Variants in LYRM1 observed in about 807,000 individuals in gnomAD.
LYRM1 encodes the protein LYR motif containing 1, also known as LYR motif-containing protein 1.
In LYRM1, 14 loss-of-function variants were observed where a neutral mutation model predicts 14.9. That is an observed-to-expected ratio of 0.94 (90% CI 0.62 to 1.47). The LOEUF (loss-of-function observed/expected upper bound fraction) is 1.47, where lower values mean the gene tolerates loss of function less well. LYRM1 is among the 40% of genes most tolerant of loss of function. LYRM1 has a pLI of 0.00. For synonymous variants in LYRM1, 43 were observed against 56.2 expected, an observed-to-expected ratio of 0.77 and a Z score of 1.05; for missense variants, 153 against 149.9, an observed-to-expected ratio of 1.02 and a Z score of -0.11.
chr16:20,922,487 GT>G (rs1002240510), intron 3 of LYRM1, among the ~76,000 whole-genome samples: 2 of 151,918 alleles, frequency 1.3e-5, no homozygotes, highest in Non-Finnish European at 2.9e-5. Flanking sequence ...CCTGAAAGGA[GT>G]TTTTTTGGTT....
chr16:20,900,759 G>A (rs1012806345), upstream of LYRM1: 1 of 152,328 alleles, frequency 6.6e-6, no homozygotes, highest in Non-Finnish European at 1.5e-5. Flanking sequence ...CGGTGGTTTG[G>A]TCCGGCCTGG....
intron 2 of LYRM1, 23 bp downstream of exon 2, chr16:20,915,737 T>C (rs780364724): frequency 5.0e-6 from 8 of 1,611,582 alleles, no homozygotes; most frequent in East Asian, 4.5e-5. Flanking sequence ...CACTTGGAGA[T>C]TGTGCAGAGG....
intron 2 of LYRM1, among the ~76,000 whole-genome samples, chr16:20,916,370 A>C (rs970575517): frequency 1.3e-5 from 2 of 152,164 alleles, no homozygotes. Flanking sequence ...GGCACTAAGC[A>C]TGGAAAAAGG....
At chr16:20,900,565 G>A (rs1039566561), upstream of LYRM1, 4 of 152,374 alleles carry the variant, frequency 2.6e-5, no homozygotes, top group East Asian at 5.8e-4. Context: ...AACCCGGAGG[G>A]AGCTGGGCTG....
intron 1 of LYRM1, among the ~76,000 whole-genome samples, chr16:20,905,037 T>C (rs1349753167): frequency 6.6e-6 from 1 of 152,176 alleles, no homozygotes; most frequent in Non-Finnish European, 1.5e-5. Context: ...TCCTTTGCTG[T>C]ACAGGGATTA....
chr16:20,923,636 CCTT>C (rs1468852687), intron 3 of LYRM1, among the ~76,000 whole-genome samples: 1 of 152,144 alleles, frequency 6.6e-6, no homozygotes, highest in Non-Finnish European at 1.5e-5. Context: ...ACTTTTCTCC[CCTT>C]CTTTGGATTC....
At chr16:20,915,286 C>T (rs1409792286) in intron 1 of LYRM1, among the ~76,000 whole-genome samples, 2 of 152,066 alleles carry the variant, frequency 1.3e-5, no homozygotes, top group Non-Finnish European at 2.9e-5. Context: ...CGGTGAAACC[C>T]TGTCTCTACT....
upstream of LYRM1, chr16:20,900,309 C>T (rs535460771): frequency 9.9e-5 from 15 of 152,138 alleles, no homozygotes; most frequent in African/African-American, 2.7e-4. Flanking sequence ...CTCCCTACCC[C>T]CGCCGCCGCC....
rs1271306972 is a variant in LYRM1, at chr16:20,924,621, A to C, written c.*505A>C. 6.6e-6 allele frequency: 1 copy of C among 152,384 alleles called. No individual in the cohort carries two copies. The highest frequency in any genetic ancestry group is 2.4e-5 in the African/African-American group (1 of 41,378). 9.4% of individuals were successfully genotyped at this position (152,384 alleles called of 1,614,324 possible). A position where few individuals can be genotyped will look rare whatever the true frequency, so the allele number is the denominator to read the frequency against. The stretch of plus-strand genomic sequence containing the variant: ...TCCAGTTTCCAGACAAACTTGTCTT[A>C]AAAAGTGCATCATTGGATTGACCAT... On this transcript the variant is annotated 3_prime_UTR_variant, in exon 4 of 4. Coordinates refer to ENST00000567954, the MANE Select transcript of LYRM1 (RefSeq NM_001128302.3).
chr16:20,920,819 T>C (rs1209728942), intron 3 of LYRM1: 1 of 152,606 alleles, frequency 6.6e-6, no homozygotes, highest in South Asian at 2.1e-4. Context: ...GCCCAGGAGG[T>C]TGAGGCAGCA....
intron 3 of LYRM1, chr16:20,921,925 A>G (rs1455759712): frequency 2.0e-5 from 3 of 152,096 alleles, no homozygotes; most frequent in Middle Eastern, 3.4e-3. Context: ...GATTCTGGAT[A>G]TAATGTTATA....
intron 3 of LYRM1, among the ~76,000 whole-genome samples, chr16:20,922,396 G>A (rs74413058): frequency 0.05 from 7,625 of 152,228 alleles, 418 homozygotes; most frequent in African/African-American, 0.14. Context: ...TACATCTAGG[G>A]ACAGCTAGAT....
intron 1 of LYRM1, among the ~76,000 whole-genome samples, chr16:20,906,807 C>T (rs2082342928): frequency 6.6e-6 from 1 of 152,054 alleles, no homozygotes; most frequent in Non-Finnish European, 1.5e-5. Flanking sequence ...TGGATGAGGC[C>T]CCTCATACCA....
chr16:20,918,324 G>A (rs1003446686), intron 2 of LYRM1, among the ~76,000 whole-genome samples: 1 of 152,184 alleles, frequency 6.6e-6, no homozygotes. Context: ...CTCGAGGAGT[G>A]AGCCAGAGGG....
chr16:20,915,583 C>T lies in LYRM1; in HGVS notation c.28C>T (p.Leu10Phe). ...GACAACGGCAACACGACAAGAAGTC[C>T]TTGGCCTCTACCGCAGCATTTTCAG... MTTATRQEV[L>F]GLYRSIFRLA... The change falls in exon 2 of 4, where the codon CTT becomes TTT. Residue 10 changes from leucine (L) to phenylalanine (F), a missense_variant. By Grantham distance (22) the Leu-to-Phe change is conservative. Transcript: ENST00000567954. The T allele has an allele frequency of 1.2e-6, 2 of 1,614,068 alleles. No homozygotes were observed. Among genetic ancestry groups the T allele is most frequent in the Non-Finnish European group, 1.7e-6 (2 of 1,180,010 alleles).
rs375381902 is a variant in LYRM1 at position 20,916,389 on chromosome 16, C to T, written c.159+675C>T. Among the ~76,000 whole-genome samples, 3 of 152,302 alleles carry T rather than the reference C, an allele frequency of 2.0e-5. No individual in the cohort carries two copies. The East Asian group carries it at 5.8e-4, about 29-fold the overall frequency. On this transcript the variant is annotated intron_variant, in intron 2 of 3. Transcript: ENST00000567954. Reference sequence around the variant, plus strand: ...CTAAGCATGGAAAAAGGCTTTCACACCCGACTTCTCTTCCGTCTCCTCACT... The same window carrying T: ...CTAAGCATGGAAAAAGGCTTTCACATCCGACTTCTCTTCCGTCTCCTCACT...
chr16:20,911,549 C>CAGCT (rs2082592996), intron 1 of LYRM1, among the ~76,000 whole-genome samples: 1 of 152,146 alleles, frequency 6.6e-6, no homozygotes, highest in South Asian at 2.1e-4. Context: ...ATGAGGTGTC[C>CAGCT]AGCTGCCTGG....
chr16:20,915,795 A>G, intron 2 of LYRM1, 81 bp downstream of exon 2: 2 of 1,455,490 alleles, frequency 1.4e-6, no homozygotes, highest in South Asian at 2.6e-5. Context: ...GTCTTTAATC[A>G]AGAGGGCTGA....
upstream of LYRM1, chr16:20,900,709 T>TCCCCC (rs2081991823): frequency 6.6e-6 from 1 of 152,158 alleles, no homozygotes; most frequent in Non-Finnish European, 1.5e-5. Flanking sequence ...CAGTCGAGAC[T>TCCCCC]CCCCCAGACC....
Sources: gnomAD v4.1 joint callset for allele counts (sites outside exome capture counted in the v4.1 genomes callset) on GRCh38, gnomAD v4.1.1 for gene constraint, MANE v1.5 for transcripts, NCBI Gene and HGNC (gene_info 2026-07-23, HGNC 2026-07-21) for gene names.